SYNM: variants seen among roughly 807,000 people sequenced by gnomAD.
SYNM encodes desmuslin.
A neutral mutation model predicts 104.0 loss-of-function variants in SYNM; 95 were observed. That is an observed-to-expected ratio of 0.91 (90% CI 0.77 to 1.08). The LOEUF is 1.08. SYNM is among the 50% of genes least tolerant of loss of function. The probability of loss-of-function intolerance (pLI) is 0.00; values close to 1 mark genes in which losing one functional copy is unlikely to be tolerated. For synonymous variants in SYNM, 918 were observed against 869.0 expected, an observed-to-expected ratio of 1.06 and a Z score of -0.99; for missense variants, 2,150 against 2,052.2, an observed-to-expected ratio of 1.05 and a Z score of -0.92.
At chr15:99,125,341 T>G (rs781829005) in intron 2 of SYNM, among the ~76,000 whole-genome samples, 1 of 152,248 alleles carries the variant, frequency 6.6e-6, no homozygotes, top group Non-Finnish European at 1.5e-5. Flanking sequence ...GCTGTTTGCG[T>G]TCCTGGAACC....
In SYNM at chr15:99,105,118, T is replaced by A. The variant is rs1314256431; in HGVS notation, c.-82T>A. 6.9e-7 allele frequency: 1 copy of A among 1,457,990 alleles called. No individual in the cohort carries two copies. Among genetic ancestry groups the A allele is most frequent in the Non-Finnish European group, 9.2e-7 (1 of 1,092,040 alleles). 90.3% of individuals were successfully genotyped at this position (1,457,990 alleles called of 1,614,324 possible). On this transcript the variant is annotated 5_prime_UTR_variant, in exon 1 of 4. Transcript: ENST00000336292. ...CCGGGGCAGCGGCGAGGCCGGAGCG[T>A]CGCGGCGGAGAGGACGAGACCGGGA...
downstream of SYNM, chr15:99,139,839 C>T: frequency 3.0e-6 from 3 of 1,007,614 alleles, no homozygotes; most frequent in Non-Finnish European, 4.0e-6. Flanking sequence ...GACTACACAG[C>T]AATGTCTTAG....
chr15:99,128,052 G>A (rs1355343213), intron 3 of SYNM, among the ~76,000 whole-genome samples: 1 of 150,626 alleles, frequency 6.6e-6, no homozygotes, highest in African/African-American at 2.4e-5. Context: ...CAAGCTTCTT[G>A]AAGGAAATAG....
In SYNM at chr15:99,126,738, G is replaced by A. The variant is rs782180916; in HGVS notation, c.952G>A (p.Glu318Lys). 17 of 1,580,436 alleles carry A rather than the reference G, an allele frequency of 1.1e-5. No homozygotes were observed. Among genetic ancestry groups the A allele is most frequent in the Non-Finnish European group, 1.5e-5 (17 of 1,162,408 alleles). Residue 318 changes from glutamate to lysine, a missense_variant, in exon 3 of 4, where the codon GAA (glutamate) becomes AAA (lysine). By Grantham distance (56) the Glu-to-Lys change is moderately conservative (BLOSUM62 1). Transcript: ENST00000336292. Reference sequence around the variant, plus strand: ...TTTTTACAGGGCCTTATTGGAAGGAGAAAGTAATCCAGAGATAGTGATCTG... The same window carrying A: ...TTTTTACAGGGCCTTATTGGAAGGAAAAAGTAATCCAGAGATAGTGATCTG... ...VATYRALLEG[E>K]SNPEIVIWAE...
At position 99,129,605 on chromosome 15, in the gene SYNM, C is replaced by T. The variant is rs782811370; in HGVS notation, c.1245C>T (p.Tyr415=). 35 of 1,613,768 alleles carry T rather than the reference C, an allele frequency of 2.2e-5. No homozygotes were observed. Among genetic ancestry groups the T allele is most frequent in the Non-Finnish European group, 2.7e-5 (32 of 1,179,888 alleles). The stretch of plus-strand genomic sequence containing the variant: ...CCACTACCCAGCAGGAAAACTCATA[C>T]GGAAAAGCCGTCAGCAGTCAAACCA... The part of the protein sequence containing the change: ...SSATTQQENS[Y]GKAVSSQTNV... Residue 415 remains tyrosine, a synonymous_variant, in exon 4 of 4, where the codon TAC becomes TAT. Transcript: ENST00000336292.
chr15:99,129,443 G>A lies in SYNM; in HGVS notation c.1083G>A (p.Gln361=). Residue 361 remains glutamine (Q), a synonymous_variant, in exon 4 of 4, where the codon CAG becomes CAA. Coordinates refer to ENST00000336292, the MANE Select transcript of SYNM (RefSeq NM_145728.3). Reference sequence around the variant, plus strand: ...ATGAAAGGAATCTATTTTCAAGGCAGAAAGCACCTTTGGCAAGTTTCAATC... The same window carrying A: ...ATGAAAGGAATCTATTTTCAAGGCAAAAAGCACCTTTGGCAAGTTTCAATC... ...RENERNLFSR[Q]KAPLASFNHS... 6.2e-7 allele frequency: 1 copy of A among 1,614,004 alleles called. No individual in the cohort carries two copies. The highest frequency in any genetic ancestry group is 2.2e-5 in the East Asian group (1 of 44,880).
At chr15:99,108,127 AC>A (rs1438034575) in intron 1 of SYNM, among the ~76,000 whole-genome samples, 1 of 151,324 alleles carries the variant, frequency 6.6e-6, no homozygotes, top group Non-Finnish European at 1.5e-5. Flanking sequence ...GGATCCCACC[AC>A]CCCGCCTGGC....
intron 2 of SYNM, among the ~76,000 whole-genome samples, chr15:99,119,460 A>G (rs535344824): frequency 2.4e-3 from 364 of 152,356 alleles, no homozygotes; most frequent in Admixed American, 3.8e-3. Flanking sequence ...GTCTTCTCAC[A>G]GCAGCCTGGA....
downstream of SYNM, chr15:99,136,675 A>G (rs533688802): frequency 6.0e-4 from 91 of 152,428 alleles, no homozygotes; most frequent in Middle Eastern, 6.8e-3. Context: ...TAGGGCTTCA[A>G]CGTGAATTGG....
chr15:99,129,739 A>T lies in SYNM; in HGVS notation c.1379A>T (p.Tyr460Phe). 1 of 1,613,720 alleles carries T rather than the reference A, an allele frequency of 6.2e-7. No homozygotes were observed. Among genetic ancestry groups the T allele is most frequent in the Non-Finnish European group, 8.5e-7 (1 of 1,179,894 alleles). The change falls in exon 4 of 4, where the codon TAC (tyrosine) becomes TTC (phenylalanine). Residue 460 changes from tyrosine (Y) to phenylalanine (F), a missense_variant. Physicochemically the swap from Tyr to Phe is conservative, Grantham distance 22 (BLOSUM62 3). Coordinates refer to ENST00000336292, the MANE Select transcript of SYNM (RefSeq NM_145728.3). ...KAGDTREVPVYIGEDSTIARE... is the reference protein window; with the variant it reads ...KAGDTREVPVFIGEDSTIARE... ...GGAGATACAAGGGAGGTCCCCGTTT[A>T]CATAGGTGAAGATTCCACAATTGCC...
downstream of SYNM, among the ~76,000 whole-genome samples, chr15:99,138,851 G>A (rs976713118): frequency 7.9e-5 from 12 of 152,326 alleles, no homozygotes; most frequent in South Asian, 2.1e-3. Flanking sequence ...TGCTCTCTGC[G>A]GACCAGGCTC....
chr15:99,125,018 T>C (rs2067434109), intron 2 of SYNM, among the ~76,000 whole-genome samples: 1 of 152,278 alleles, frequency 6.6e-6, no homozygotes, highest in Non-Finnish European at 1.5e-5. Flanking sequence ...TTTGGAATTC[T>C]GGAAGAGGAG....
At chr15:99,122,076 T>G (rs1381075492) in intron 2 of SYNM, among the ~76,000 whole-genome samples, 1 of 152,188 alleles carries the variant, frequency 6.6e-6, no homozygotes, top group African/African-American at 2.4e-5. Flanking sequence ...AATGCAGAGA[T>G]TTATTTACTG....
At chr15:99,118,346 C>T (rs1555484173) in intron 2 of SYNM, among the ~76,000 whole-genome samples, 1 of 152,230 alleles carries the variant, frequency 6.6e-6, no homozygotes, top group Admixed American at 6.5e-5. Flanking sequence ...GACTTGCGCT[C>T]TTCTGACCCT....
At chr15:99,139,767 G>GTT, downstream of SYNM, 6 of 1,302,494 alleles carry the variant, frequency 4.6e-6, no homozygotes, top group African/African-American at 9.3e-5. Context: ...TAAAAAAATA[G>GTT]TTTTGTTTTT....
Position 99,126,748 on chromosome 15 carries a change from C to A in SYNM, c.962C>A (p.Pro321Gln). ...GCCTTATTGGAAGGAGAAAGTAATC[C>A]AGAGATAGTGATCTGGGCTGAGCAC... is the stretch of plus-strand genomic sequence containing the variant. ...YRALLEGESN[P>Q]EIVIWAEHVE... Residue 321 changes from proline to glutamine, a missense_variant, in exon 3 of 4, where the codon CCA becomes CAA. Coordinates refer to ENST00000336292, the MANE Select transcript of SYNM (RefSeq NM_145728.3). The A allele has an allele frequency of 6.3e-7, 1 of 1,581,424 alleles. No homozygotes were observed. The highest frequency in any genetic ancestry group is 2.3e-5 in the East Asian group (1 of 43,630).
intron 1 of SYNM, among the ~76,000 whole-genome samples, chr15:99,110,467 A>G (rs1555483295): frequency 6.6e-6 from 1 of 152,242 alleles, no homozygotes; most frequent in East Asian, 1.9e-4. Context: ...ACTTGAGTTC[A>G]GGGTGCTGTC....
rs1555482403 is a variant in SYNM, at chr15:99,105,436, G to A, written c.237G>A (p.Ala79=). 3.4e-6 allele frequency: 5 copies of A among 1,461,402 alleles called. No homozygotes were observed. Among genetic ancestry groups the A allele is most frequent in the African/African-American group, 1.5e-5 (1 of 67,486 alleles). 90.5% of individuals were successfully genotyped at this position (1,461,402 alleles called of 1,614,324 possible). A position where few individuals can be genotyped will look rare whatever the true frequency, so the allele number is the denominator to read the frequency against. The change falls in exon 1 of 4, where the codon GCG becomes GCA. Residue 79 remains alanine (A), a synonymous_variant. Transcript: ENST00000336292. ...TGGACGAGCTGAGCTGGGCCACTGC[G>A]CTGGCGGAGGGCGAGCGGGACGCTC... is the stretch of plus-strand genomic sequence containing the variant. The part of the protein sequence containing the change: ...QQLDELSWAT[A]LAEGERDALR...
rs540983762 is a variant in SYNM at position 99,129,563 on chromosome 15, G to C, written c.1203G>C (p.Ser401=). 3.3e-4 allele frequency: 531 copies of C among 1,613,930 alleles called. 5 individuals are homozygous for C. The South Asian group carries it at 5.5e-3, about 17-fold the overall frequency. The change falls in exon 4 of 4, where the codon TCG becomes TCC. Residue 401 remains serine, a synonymous_variant. Transcript: ENST00000336292. The part of the protein sequence containing the change: ...GGDARRGFLG[S]GYSSSATTQQ... ...ATGCCAGAAGAGGCTTCTTGGGCTC[G>C]GGATATTCTTCCTCGGCCACTACCC... is the stretch of plus-strand genomic sequence containing the variant.
Sources: allele counts gnomAD v4.1 joint callset (sites outside exome capture counted in the v4.1 genomes callset), GRCh38; gene constraint gnomAD v4.1.1; transcripts MANE v1.5; gene names NCBI Gene and HGNC (gene_info 2026-07-23, HGNC 2026-07-21).